The following INSR variants were observed in gnomAD, a reference collection of about 807,000 sequenced individuals.
The protein encoded by INSR is IR.
Under a neutral mutation model 142.6 loss-of-function variants are expected in INSR, and 67 were observed. The ratio of observed to expected loss-of-function variants is 0.47; its 90% confidence interval spans 0.39 to 0.58. The LOEUF is 0.58. Among genes scored for constraint, INSR ranks in the 20% least tolerant of loss-of-function variants. INSR has a pLI of 0.00. For synonymous variants in INSR, 756 were observed against 743.1 expected (o/e 1.02, Z -0.28); for missense variants, 1,248 against 1,833.2 (o/e 0.68, Z 5.83).
chr19:7,124,343 T>G (rs1197979927), intron 17 of INSR, among the ~76,000 whole-genome samples: 3 of 131,462 alleles, frequency 2.3e-5, no homozygotes, highest in Non-Finnish European at 4.7e-5. Flanking sequence ...CACTCCAGCC[T>G]GGGTGACAGA....
chr19:7,294,130 C>A lies in INSR; in HGVS notation c.-239G>T, dbSNP rs1307670050. 4.8e-6 allele frequency: 1 copy of A among 209,308 alleles called. No homozygotes were observed. The highest frequency in any genetic ancestry group is 2.3e-5 in the African/African-American group (1 of 42,770). The allele number at this position is 209,308 out of a possible 1,614,324, so 13.0% of individuals were successfully genotyped here. On this transcript the variant is annotated 5_prime_UTR_variant, in exon 1 of 22. Transcript: ENST00000302850. ...AGGCCCTTGCGGTGGTGGCCCCGAC[C>A]CCCCGGCCGCTGCGGCCCGGGCCCC... is the stretch of plus-strand genomic sequence containing the variant.
At chr19:7,157,128 G>A (rs1165657242) in intron 9 of INSR, among the ~76,000 whole-genome samples, 1 of 152,166 alleles carries the variant, frequency 6.6e-6, no homozygotes, top group Non-Finnish European at 1.5e-5. Context: ...CTACAGGCGT[G>A]CACCACCATG....
At chr19:7,118,111 T>C (rs1005275523) in intron 21 of INSR, among the ~76,000 whole-genome samples, 3 of 151,688 alleles carry the variant, frequency 2.0e-5, no homozygotes, top group Non-Finnish European at 2.9e-5. Flanking sequence ...ATTTCAAAAC[T>C]GGCTCAAGAG....
In INSR at chr19:7,159,005, C is replaced by T. The variant is rs143048866; in HGVS notation, c.2029+4027G>A. Among the ~76,000 whole-genome samples, 6,541 of 152,110 alleles carry T rather than the reference C, an allele frequency of 0.043. 180 individuals carry two copies. Among genetic ancestry groups the T allele is most frequent in the Non-Finnish European group, 0.068 (4,650 of 67,982 alleles). ...GCAACCTCTGCCTCCCAGATTCAAGCGATTCTCCTGCCTCAGCCTCCTGAG... is the reference window on the plus strand; with the variant it reads ...GCAACCTCTGCCTCCCAGATTCAAGTGATTCTCCTGCCTCAGCCTCCTGAG... On this transcript the variant is annotated intron_variant, in intron 9 of 21. Transcript: ENST00000302850. This position sits in a 1 kb window ranked among gnomAD's most constrained non-coding sequence, Gnocchi z 4.3.
intron 2 of INSR, among the ~76,000 whole-genome samples, chr19:7,218,947 T>C (rs1338647781): frequency 6.6e-6 from 1 of 152,084 alleles, no homozygotes; most frequent in African/African-American, 2.4e-5. Flanking sequence ...GGCTTACAGG[T>C]GGCAGGAAGG....
At position 7,216,788 on chromosome 19, in the gene INSR, C is replaced by T. The variant is rs528106656; in HGVS notation, c.653-32151G>A. 3.7e-4 allele frequency among the ~76,000 whole-genome samples: 56 copies of T among 152,246 alleles called. No individual in the cohort carries two copies. Among genetic ancestry groups the T allele is most frequent in the African/African-American group, 1.0e-3 (42 of 41,536 alleles). ...CATTTCCCATTGCTGCTGTCACAAACGCCCACAAATGTAAAACGACATACA... is the reference window on the plus strand; with the variant it reads ...CATTTCCCATTGCTGCTGTCACAAATGCCCACAAATGTAAAACGACATACA... On this transcript the variant is annotated intron_variant, in intron 2 of 21. Transcript: ENST00000302850. This position sits in a 1 kb window ranked among gnomAD's most constrained non-coding sequence, Gnocchi z 4.2.
chr19:7,138,444 A>G (rs1311043037), intron 13 of INSR, among the ~76,000 whole-genome samples: 1 of 151,972 alleles, frequency 6.6e-6, no homozygotes, highest in Admixed American at 6.6e-5. Flanking sequence ...AGTGAGTCAC[A>G]GCCCACTATA....
chr19:7,180,596 G>A (rs918490815), intron 3 of INSR, among the ~76,000 whole-genome samples: 4 of 150,432 alleles, frequency 2.7e-5, no homozygotes, highest in African/African-American at 9.8e-5. Context: ...TAAATGATGT[G>A]ACAGAGAGTG....
At chr19:7,141,891 CA>C in intron 12 of INSR, 75 bp from the exon 13 acceptor site, 4 of 1,213,228 alleles carry the variant, frequency 3.3e-6, no homozygotes, top group Non-Finnish European at 4.9e-6. Context: ...GTCCATGGTG[CA>C]ACCTTGGGCT....
intron 1 of INSR, among the ~76,000 whole-genome samples, chr19:7,272,780 C>T (rs1178022561): frequency 2.0e-5 from 3 of 152,280 alleles, no homozygotes; most frequent in Middle Eastern, 3.4e-3. Flanking sequence ...AGTGGTCTCT[C>T]TATGTTGCCC....
At chr19:7,239,858 G>A (rs574669594) in intron 2 of INSR, among the ~76,000 whole-genome samples, 43 of 152,292 alleles carry the variant, frequency 2.8e-4, no homozygotes, top group African/African-American at 9.9e-4. Context: ...AAGAACTCAT[G>A]CAGCAGGTGT....
chr19:7,277,797 TA>T (rs1392695028), intron 1 of INSR, among the ~76,000 whole-genome samples: 1 of 123,892 alleles, frequency 8.1e-6, no homozygotes, highest in South Asian at 2.6e-4. Flanking sequence ...ACACTATTTC[TA>T]AAAAAAACCA....
At chr19:7,134,504 T>C (rs1294966650) in intron 13 of INSR, among the ~76,000 whole-genome samples, 3 of 152,074 alleles carry the variant, frequency 2.0e-5, no homozygotes, top group East Asian at 1.9e-4. Context: ...CGGTGGCTCA[T>C]GCCTGTAATT....
At chr19:7,123,412 G>A (rs1394629085) in intron 17 of INSR, among the ~76,000 whole-genome samples, 5 of 151,512 alleles carry the variant, frequency 3.3e-5, no homozygotes, top group Non-Finnish European at 7.4e-5. Flanking sequence ...CTGGTGATCC[G>A]CCTGCCTCAG....
At chr19:7,270,347 A>T (rs796431418) in intron 1 of INSR, among the ~76,000 whole-genome samples, 7,888 of 137,554 alleles carry the variant, frequency 0.057, 216 homozygotes, top group Non-Finnish European at 0.069. Flanking sequence ...TCTCACACAC[A>T]CACACACACA....
chr19:7,117,329 G>A lies in INSR; in HGVS notation c.3876C>T (p.Asp1292=), dbSNP rs781656016. ...TFLEIVNLLK[D]DLHPSFPEVS... is the part of the protein sequence containing the mutation. The stretch of plus-strand genomic sequence containing the variant: ...CCTCTGGAAAGCTGGGGTGCAGGTC[G>A]TCCTTGAGCAGGTTGACAATCTCCA... Residue 1292 remains aspartate, a synonymous_variant, in exon 22 of 22, where the codon GAC becomes GAT. Coordinates refer to ENST00000302850, the MANE Select transcript of INSR (RefSeq NM_000208.4). The A allele has an allele frequency of 1.2e-5, 20 of 1,614,026 alleles. No individual in the cohort carries two copies. The highest frequency in any genetic ancestry group is 3.3e-5 in the Admixed American group (2 of 60,002).
At chr19:7,269,038 CCACACACA>C (rs141333611) in intron 1 of INSR, among the ~76,000 whole-genome samples, 53 of 146,958 alleles carry the variant, frequency 3.6e-4, no homozygotes, top group Admixed American at 2.1e-3. Context: ...ACCCACACAC[CCACACACA>C]CACACACACA....
intron 2 of INSR, among the ~76,000 whole-genome samples, chr19:7,228,684 C>A (rs1206341568): frequency 6.6e-6 from 1 of 152,186 alleles, no homozygotes; most frequent in Admixed American, 6.5e-5. Flanking sequence ...GCTTTTAGAA[C>A]TAGTAAGCAT....
chr19:7,134,884 A>G (rs1972869286), intron 13 of INSR, among the ~76,000 whole-genome samples: 1 of 152,092 alleles, frequency 6.6e-6, no homozygotes, highest in Non-Finnish European at 1.5e-5. Flanking sequence ...TGGGAAACAT[A>G]CCCTGTGATA....
Sources: gnomAD v4.1 joint callset for allele counts (sites outside exome capture counted in the v4.1 genomes callset) on GRCh38, gnomAD v4.1.1 for gene constraint, Gnocchi (gnomAD v3.1) non-coding constraint, MANE v1.5 for transcripts, NCBI Gene and HGNC (gene_info 2026-07-23, HGNC 2026-07-21) for gene names.